The following CDS1 variants were observed in gnomAD, a reference collection of about 807,000 sequenced individuals.
The protein encoded by CDS1 is CDP-diacylglycerol synthase 1, also known as phosphatidate cytidylyltransferase 1.
In CDS1, 41 loss-of-function variants were observed where a neutral mutation model predicts 62.1. The ratio of observed to expected loss-of-function variants is 0.66; its 90% CI spans 0.51 to 0.86. The LOEUF (loss-of-function observed/expected upper bound fraction) is 0.86. Ranked by LOEUF, CDS1 falls within the 40% of genes least tolerant of loss-of-function variation. The pLI is 0.00. For missense variants in CDS1, 470 were observed against 550.1 expected (o/e 0.85, Z 1.46); for synonymous variants, 185 against 192.6 (o/e 0.96, Z 0.32).
At chr4:84,643,773 C>T (rs1453574244) in intron 11 of CDS1, among the ~76,000 whole-genome samples, 1 of 152,150 alleles carries the variant, frequency 6.6e-6, no homozygotes, top group Non-Finnish European at 1.5e-5. Flanking sequence ...GACCCCTGTT[C>T]CAGAGACCTA....
intron 5 of CDS1, among the ~76,000 whole-genome samples, chr4:84,624,349 T>C (rs1227698612): frequency 2.0e-5 from 3 of 151,660 alleles, no homozygotes; most frequent in Non-Finnish European, 2.9e-5. Context: ...TGATAAAAAT[T>C]TAGACTAGAA....
At chr4:84,620,216 GT>G (rs1560475131) in intron 5 of CDS1, among the ~76,000 whole-genome samples, 1 of 136,364 alleles carries the variant, frequency 7.3e-6, no homozygotes, top group African/African-American at 3.0e-5. Flanking sequence ...AGGGTAATTA[GT>G]TGTTTTTTTT....
At position 84,648,900 on chromosome 4, in the gene CDS1, T is replaced by G. The variant is rs184414853; in HGVS notation, c.*214T>G. The G allele has an allele frequency of 2.6e-4, 112 of 425,062 alleles. No homozygotes were observed. Among genetic ancestry groups the G allele is most frequent in the African/African-American group, 2.2e-3 (108 of 49,666 alleles). The allele number at this position is 425,062 out of a possible 1,614,324, so 26.3% of individuals were successfully genotyped here. A position where few individuals can be genotyped will look rare whatever the true frequency, so the allele number is the denominator to read the frequency against. On this transcript the variant is annotated 3_prime_UTR_variant, in exon 13 of 13. Transcript: ENST00000295887. ...AATTGCCAGCAAAATGTCTTGTACCTTTTCTAAAGTGTATTTTCTGATGTG... is the reference window on the plus strand; with the variant it reads ...AATTGCCAGCAAAATGTCTTGTACCGTTTCTAAAGTGTATTTTCTGATGTG...
intron 2 of CDS1, among the ~76,000 whole-genome samples, chr4:84,607,880 C>T (rs1469945969): frequency 2.0e-5 from 3 of 152,260 alleles, no homozygotes; most frequent in Admixed American, 1.3e-4. Context: ...TAAAGAAAAA[C>T]AGCGACAATT....
intron 2 of CDS1, 68 bp from the exon 3 acceptor site, chr4:84,609,361 A>G (rs760243646): frequency 1.0e-6 from 1 of 961,610 alleles, no homozygotes; most frequent in Non-Finnish European, 1.7e-6. Flanking sequence ...AATCTGGCAA[A>G]TCAATACTGA....
chr4:84,607,742 A>T (rs919905188), intron 2 of CDS1, among the ~76,000 whole-genome samples: 8 of 151,608 alleles, frequency 5.3e-5, no homozygotes, highest in Non-Finnish European at 7.4e-5. Flanking sequence ...TTTTTTTTTA[A>T]AAAAAAGGAG....
Position 84,609,439 on chromosome 4 carries a change from T to C in CDS1, c.256T>C (p.Trp86Arg). Residue 86 changes from tryptophan to arginine, a missense_variant, in exon 3 of 13, where the codon TGG becomes CGG. Physicochemically the swap from Trp to Arg is moderately radical, Grantham distance 101. Transcript: ENST00000295887. ...LSGLSSRWKN[W>R]WIRGILTLTM... Reference sequence around the variant, plus strand: ...ACATTTTCTTTGTAGGTGGAAAAACTGGTGGATACGTGGAATTCTCACTCT... The same window carrying C: ...ACATTTTCTTTGTAGGTGGAAAAACCGGTGGATACGTGGAATTCTCACTCT... The C allele has an allele frequency of 1.9e-6, 3 of 1,604,208 alleles. No individual in the cohort carries two copies. Among genetic ancestry groups the C allele is most frequent in the Non-Finnish European group, 2.6e-6 (3 of 1,171,392 alleles).
chr4:84,614,078 C>G (rs538862462), intron 3 of CDS1, among the ~76,000 whole-genome samples: 25 of 152,164 alleles, frequency 1.6e-4, no homozygotes, highest in African/African-American at 6.0e-4. Context: ...AATAATGTGA[C>G]TAACATTGTG....
intron 3 of CDS1, 48 bp downstream of exon 3, chr4:84,609,573 A>G (rs1301447177): frequency 9.7e-7 from 1 of 1,028,418 alleles, no homozygotes; most frequent in African/African-American, 1.6e-5. Flanking sequence ...GTTTTTCAAC[A>G]TTTATATAGG....
At chr4:84,625,286 A>G (rs1314511693) in intron 5 of CDS1, among the ~76,000 whole-genome samples, 1 of 152,190 alleles carries the variant, frequency 6.6e-6, no homozygotes, top group Non-Finnish European at 1.5e-5. Context: ...CTTAGAGCAA[A>G]CATTTCAGTG....
chr4:84,601,023 A>T (rs1722918618), intron 1 of CDS1, among the ~76,000 whole-genome samples: 1 of 151,886 alleles, frequency 6.6e-6, no homozygotes, highest in African/African-American at 2.4e-5. Context: ...GCCAAAAAAA[A>T]TTAGCCAGGT....
chr4:84,583,944 A>C (rs1305414450), intron 1 of CDS1, among the ~76,000 whole-genome samples: 1 of 152,124 alleles, frequency 6.6e-6, no homozygotes, highest in South Asian at 2.1e-4. Context: ...CGTCGGCTGT[A>C]TCATTTCATC....
At chr4:84,640,684 C>T (rs1436110759) in intron 9 of CDS1, among the ~76,000 whole-genome samples, 154 bp from the exon 10 acceptor site, 1 of 151,964 alleles carries the variant, frequency 6.6e-6, no homozygotes, top group African/African-American at 2.4e-5. Flanking sequence ...GACCATTTAA[C>T]TTTGAAAATA....
chr4:84,645,738 G>A (rs562476205), intron 12 of CDS1, among the ~76,000 whole-genome samples: 1 of 152,316 alleles, frequency 6.6e-6, no homozygotes, highest in East Asian at 1.9e-4. Flanking sequence ...AAATATGGCA[G>A]AGAACAAAAC....
chr4:84,604,117 A>G lies in CDS1; in HGVS notation c.118-126A>G, dbSNP rs543787480. 6 of 752,648 alleles carry G rather than the reference A, an allele frequency of 8.0e-6. No homozygotes were observed. In the East Asian group the frequency reaches 1.3e-4, roughly 17 times the overall value. The allele number at this position is 752,648 out of a possible 1,614,324, so 46.6% of individuals were successfully genotyped here. ...AGCAGTGCTAAGATTTTCAAGATAA[A>G]TAGTAGTTTCTTTGTTTCAGATTAT... is the stretch of plus-strand genomic sequence containing the variant. On this transcript the variant is annotated intron_variant, in intron 1 of 12. Coordinates refer to ENST00000295887, the MANE Select transcript of CDS1 (RefSeq NM_001263.4).
At chr4:84,617,332 C>T (rs1309740895) in intron 3 of CDS1, among the ~76,000 whole-genome samples, 3 of 152,162 alleles carry the variant, frequency 2.0e-5, no homozygotes, top group Non-Finnish European at 4.4e-5. Flanking sequence ...CCATTCCCCA[C>T]CCCAGGAAGG....
At chr4:84,594,324 G>A (rs909112686) in intron 1 of CDS1, among the ~76,000 whole-genome samples, 2 of 152,118 alleles carry the variant, frequency 1.3e-5, no homozygotes, top group African/African-American at 4.8e-5. Context: ...GAGGGTAAGG[G>A]GAGGAAATGC....
In CDS1 at chr4:84,604,298, T is replaced by C. The variant is rs754301694; in HGVS notation, c.173T>C (p.Ile58Thr). The C allele has an allele frequency of 6.2e-7, 1 of 1,611,834 alleles. No homozygotes were observed. The highest frequency in any genetic ancestry group is 8.5e-7 in the Non-Finnish European group (1 of 1,178,016). ...TTGGATTCCAGAACAGATTCTGATATTCCGGAAATTCCACCATCCTCAGAT... is the reference window on the plus strand; with the variant it reads ...TTGGATTCCAGAACAGATTCTGATACTCCGGAAATTCCACCATCCTCAGAT... Reference protein sequence around the residue: ...GDLDSRTDSDIPEIPPSSDRT... With the variant: ...GDLDSRTDSDTPEIPPSSDRT... The change falls in exon 2 of 13, where the codon ATT (isoleucine) becomes ACT (threonine). Residue 58 changes from isoleucine (I) to threonine (T), a missense_variant. Coordinates refer to ENST00000295887, the MANE Select transcript of CDS1 (RefSeq NM_001263.4).
intron 1 of CDS1, among the ~76,000 whole-genome samples, chr4:84,596,861 TAGA>T (rs1385048558): frequency 6.6e-6 from 1 of 151,826 alleles, no homozygotes; most frequent in African/African-American, 2.4e-5. Flanking sequence ...AAGTTATAAA[TAGA>T]AGAATACCGT....
Sources: allele counts gnomAD v4.1 joint callset (sites outside exome capture counted in the v4.1 genomes callset), GRCh38; gene constraint gnomAD v4.1.1; transcripts MANE v1.5; gene names NCBI Gene and HGNC (gene_info 2026-07-23, HGNC 2026-07-21).